SUCO: variants seen among roughly 807,000 people sequenced by gnomAD.
SUCO encodes the protein SUN domain containing ossification factor.
Under a neutral mutation model 148.1 loss-of-function variants are expected in SUCO, and 57 were observed. The observed-to-expected ratio is 0.38, with a 90% CI of 0.31 to 0.48. SUCO has a LOEUF of 0.48. Among genes scored for constraint, SUCO ranks in the 20% least tolerant of loss-of-function variants. The pLI is 0.96. For synonymous variants in SUCO, 470 were observed against 502.7 expected, an observed-to-expected ratio of 0.93 and a Z score of 0.87; for missense variants, 1,331 against 1,468.2, an observed-to-expected ratio of 0.91 and a Z score of 1.53.
rs1260275481 is a variant in SUCO at position 172,589,149 on chromosome 1, G to C, written c.2048G>C (p.Gly683Ala). ...VDVSVLQPLSGELENTNIERE... is the reference protein window; with the variant it reads ...VDVSVLQPLSAELENTNIERE... Reference sequence around the variant, plus strand: ...GTTTCAGTATTGCAACCTCTGAGTGGAGAATTGGAAAATACGAATATAGAA... The same window carrying C: ...GTTTCAGTATTGCAACCTCTGAGTGCAGAATTGGAAAATACGAATATAGAA... The change falls in exon 18 of 24, where the codon GGA (glycine) becomes GCA (alanine). Residue 683 changes from glycine to alanine, a missense_variant. Physicochemically the swap from Gly to Ala is moderately conservative, Grantham distance 60. Coordinates refer to ENST00000263688, the MANE Select transcript of SUCO (RefSeq NM_014283.5). The C allele has an allele frequency of 6.2e-7, 1 of 1,613,744 alleles. No individual in the cohort carries two copies. Among genetic ancestry groups the C allele is most frequent in the Non-Finnish European group, 8.5e-7 (1 of 1,179,902 alleles).
intron 6 of SUCO, chr1:172,568,305 T>TTCCCCC: frequency 1.2e-5 from 11 of 905,954 alleles, no homozygotes; most frequent in Non-Finnish European, 1.3e-5. Flanking sequence ...ATTCTTTGCT[T>TTCCCCC]CCCACCCACC....
In SUCO at chr1:172,589,358, G is replaced by C; in HGVS notation, c.2257G>C (p.Val753Leu). 1 of 1,613,718 alleles carries C rather than the reference G, an allele frequency of 6.2e-7. No individual in the cohort carries two copies. Among genetic ancestry groups the C allele is most frequent in the Non-Finnish European group, 8.5e-7 (1 of 1,179,846 alleles). The change falls in exon 18 of 24, where the codon GTT becomes CTT. Residue 753 changes from valine to leucine, a missense_variant. By Grantham distance (32) the Val-to-Leu change is conservative. Transcript: ENST00000263688. ...GCCTAAAATAGAAGTATCTGAGTCT[G>C]TTGAATATGAGGCAGGACATATACC... ...PLPKIEVSES[V>L]EYEAGHIPSP... is the part of the protein sequence containing the mutation.
intron 18 of SUCO, chr1:172,590,381 C>T: frequency 2.0e-6 from 2 of 984,786 alleles, no homozygotes; most frequent in Non-Finnish European, 2.4e-6. Context: ...GCAGTTTGCT[C>T]TCTTTTAAAC....
At chr1:172,579,424 C>T (rs1009599140) in intron 15 of SUCO, among the ~76,000 whole-genome samples, 157 bp downstream of exon 15, 10 of 151,666 alleles carry the variant, frequency 6.6e-5, no homozygotes, top group African/African-American at 9.7e-5. Flanking sequence ...TATAGAAATG[C>T]GATAAGAATA....
chr1:172,572,696 T>TAAAAAAAAAAAA (rs61248782), intron 9 of SUCO, among the ~76,000 whole-genome samples: 1 of 49,602 alleles, frequency 2.0e-5, no homozygotes. Context: ...GAATGATCAA[T>TAAAAAAAAAAAA]AAAAAAAAAA....
intron 1 of SUCO, among the ~76,000 whole-genome samples, chr1:172,542,271 ACTT>A (rs1254238506): frequency 3.3e-5 from 5 of 152,176 alleles, no homozygotes; most frequent in African/African-American, 7.2e-5. Flanking sequence ...AATCCCACCT[ACTT>A]GGGAGGCTGA....
chr1:172,589,874 T>C lies in SUCO; in HGVS notation c.2773T>C (p.Leu925=). ...FMRLNNRIKA[L]EVNMSLSGRY... ...GAGACTTAATAATCGTATTAAAGCC[T>C]TAGAAGTTAACATGTCTCTCAGTGG... The change falls in exon 18 of 24, where the codon TTA becomes CTA. Residue 925 remains leucine (L), a synonymous_variant. Coordinates refer to ENST00000263688, the MANE Select transcript of SUCO (RefSeq NM_014283.5). 6.4e-7 allele frequency: 1 copy of C among 1,565,250 alleles called. No homozygotes were observed. Among genetic ancestry groups the C allele is most frequent in the East Asian group, 2.2e-5 (1 of 44,714 alleles).
intron 1 of SUCO, among the ~76,000 whole-genome samples, chr1:172,548,728 T>C (rs909665588): frequency 3.9e-5 from 6 of 152,044 alleles, no homozygotes; most frequent in East Asian, 3.8e-4. Flanking sequence ...ATATAATCTT[T>C]TAGAGCTTGA....
intron 4 of SUCO, among the ~76,000 whole-genome samples, chr1:172,556,439 G>A (rs1386248148): frequency 2.6e-5 from 4 of 151,978 alleles, no homozygotes; most frequent in Non-Finnish European, 5.9e-5. Flanking sequence ...TTTCAAACTC[G>A]ATAATAAATA....
chr1:172,548,111 T>C (rs1652998735), intron 1 of SUCO, among the ~76,000 whole-genome samples: 1 of 152,094 alleles, frequency 6.6e-6, no homozygotes, highest in Non-Finnish European at 1.5e-5. Flanking sequence ...TGTGAGAAGT[T>C]GATAGATCCA....
chr1:172,535,830 A>C (rs549115895), intron 1 of SUCO, among the ~76,000 whole-genome samples: 1 of 152,232 alleles, frequency 6.6e-6, no homozygotes, highest in East Asian at 1.9e-4. Context: ...TTACTATCAT[A>C]ATTTTGTAGA....
rs1270723487 is a variant in SUCO, at chr1:172,588,891, G to C, written c.1790G>C (p.Gly597Ala). Residue 597 changes from glycine (G) to alanine (A), a missense_variant, in exon 18 of 24, where the codon GGC becomes GCC. Around this residue, in one of 3 missense-constraint regions of SUCO, gnomAD observed 992 missense variants for 1,093.5 expected, o/e 0.91. Coordinates refer to ENST00000263688, the MANE Select transcript of SUCO (RefSeq NM_014283.5). ...AGTCCATCTACAGTGACCCTTCTGG[G>C]CAGCGGTGAACAGGAAGATGAATCA... The part of the protein sequence containing the change: ...EASPSTVTLL[G>A]SGEQEDESSP... 2.5e-6 allele frequency: 4 copies of C among 1,613,354 alleles called. No homozygotes were observed. The African/African-American group carries it at 5.3e-5, about 22-fold the overall frequency.
rs779965911 is a variant in SUCO at position 172,569,080 on chromosome 1, C to G, written c.794C>G (p.Pro265Arg). The G allele has an allele frequency of 6.3e-7, 1 of 1,594,914 alleles. No homozygotes were observed. The highest frequency in any genetic ancestry group is 1.8e-5 in the Admixed American group (1 of 55,966). ...ACATCAGTAGCAAGTCCCAAAGATC[C>G]AGAAGATATACCAACATTTGATGAA... ...DPTSVASPKD[P>R]EDIPTFDEWK... Residue 265 changes from proline (P) to arginine (R), a missense_variant, in exon 7 of 24, where the codon CCA becomes CGA. Transcript: ENST00000263688.
chr1:172,582,863 G>T (rs930263427), intron 15 of SUCO, among the ~76,000 whole-genome samples: 2 of 152,052 alleles, frequency 1.3e-5, no homozygotes, highest in African/African-American at 4.8e-5. Flanking sequence ...TTTTAAAAGG[G>T]TGAATAGAAG....
At chr1:172,535,077 A>G (rs1651912176) in intron 1 of SUCO, among the ~76,000 whole-genome samples, 1 of 152,192 alleles carries the variant, frequency 6.6e-6, no homozygotes, top group Admixed American at 6.5e-5. Flanking sequence ...ATTTCTGGCT[A>G]TCTTTTGATT....
At chr1:172,592,216 T>C (rs1656725872) in intron 19 of SUCO, among the ~76,000 whole-genome samples, 1 of 152,188 alleles carries the variant, frequency 6.6e-6, no homozygotes, top group South Asian at 2.1e-4. Context: ...TTTTCTCCCA[T>C]TCTGTAGGTT....
At chr1:172,569,179 A>G (rs1654767309) in intron 7 of SUCO, 37 bp downstream of exon 7, 1 of 1,441,848 alleles carries the variant, frequency 6.9e-7, no homozygotes, top group East Asian at 2.4e-5. Context: ...TTTTTTTTTT[A>G]AGTATATGGT....
chr1:172,553,449 TTG>T (rs1164271227), intron 3 of SUCO, 79 bp downstream of exon 3: 1 of 1,052,812 alleles, frequency 9.5e-7, no homozygotes, highest in East Asian at 2.6e-5. Flanking sequence ...GGTCACCATA[TTG>T]TGTGTGTATT....
intron 22 of SUCO, among the ~76,000 whole-genome samples, chr1:172,607,089 A>G (rs1230892032): frequency 6.6e-6 from 1 of 151,860 alleles, no homozygotes; most frequent in Non-Finnish European, 1.5e-5. Context: ...TATTTTCTAG[A>G]CATATTAAGC....
Sources: allele counts gnomAD v4.1 joint callset (sites outside exome capture counted in the v4.1 genomes callset), GRCh38; gene constraint gnomAD v4.1.1; regional missense constraint gnomAD v4.1.1; transcripts MANE v1.5; gene names NCBI Gene and HGNC (gene_info 2026-07-23, HGNC 2026-07-21).